HDAC8: variants seen among roughly 807,000 people sequenced by gnomAD.
HDAC8 encodes histone deacetylase 8.
A neutral mutation model predicts 32.2 loss-of-function variants in HDAC8; 1 was observed. That is an observed-to-expected ratio of 0.03 (90% CI 0.01 to 0.15). The LOEUF is 0.15. HDAC8 is among the 10% of genes least tolerant of loss of function. The probability of loss-of-function intolerance (pLI) is 1.00; values close to 1 mark genes in which losing one functional copy is unlikely to be tolerated. For synonymous variants in HDAC8, 108 were observed against 113.9 expected, an observed-to-expected ratio of 0.95 and a Z score of 0.33; for missense variants, 117 against 300.0, an observed-to-expected ratio of 0.39 and a Z score of 4.51.
chrX:72,544,505 G>A (rs1054698968), intron 4 of HDAC8, among the ~76,000 whole-genome samples: 4 of 111,600 alleles, frequency 3.6e-5, no homozygotes, highest in Non-Finnish European at 5.6e-5. Context: ...GTGGTATCAA[G>A]GGATTGCTGA....
intron 9 of HDAC8, among the ~76,000 whole-genome samples, chrX:72,443,267 T>C (rs1417151917): frequency 9.2e-6 from 1 of 109,046 alleles, no homozygotes; most frequent in East Asian, 2.9e-4. Context: ...TATTCCAAAA[T>C]TGACCACATA....
chrX:72,555,177 A>C (rs893910329), intron 4 of HDAC8, among the ~76,000 whole-genome samples: 15 of 111,921 alleles, frequency 1.3e-4, no homozygotes, highest in Non-Finnish European at 3.8e-5. Context: ...GCTCTTAGGG[A>C]GCCCCATTCC....
chrX:72,541,482 G>T (rs1486767701), intron 4 of HDAC8, among the ~76,000 whole-genome samples: 1 of 112,378 alleles, frequency 8.9e-6, no homozygotes, highest in Non-Finnish European at 1.9e-5. Flanking sequence ...GTGGAACAGG[G>T]AGCCAGTGCA....
chrX:72,351,690 C>A, intron 10 of HDAC8, 43 bp downstream of exon 10: 2 of 988,893 alleles, frequency 2.0e-6, no homozygotes, highest in Non-Finnish European at 2.9e-6. Context: ...CCACCACAAA[C>A]TGGGTGGAAC....
chrX:72,377,281 T>C (rs1374769299), intron 9 of HDAC8: 1 of 112,499 alleles, frequency 8.9e-6, no homozygotes, highest in African/African-American at 3.2e-5. Flanking sequence ...TTCCTTTCCA[T>C]CTAATTTAAT....
At chrX:72,500,396 C>T (rs1360502425) in intron 4 of HDAC8, among the ~76,000 whole-genome samples, 1 of 111,464 alleles carries the variant, frequency 9.0e-6, no homozygotes, top group Non-Finnish European at 1.9e-5. Flanking sequence ...AATTGCAAAC[C>T]GAATCCAGCA....
At chrX:72,401,112 T>C (rs1260453961) in intron 9 of HDAC8, among the ~76,000 whole-genome samples, 1 of 112,413 alleles carries the variant, frequency 8.9e-6, no homozygotes, top group Non-Finnish European at 1.9e-5. Flanking sequence ...AATTGCTGGG[T>C]CATAAGGTAA....
At chrX:72,537,659 A>G (rs1373678579) in intron 4 of HDAC8, among the ~76,000 whole-genome samples, 1 of 112,027 alleles carries the variant, frequency 8.9e-6, no homozygotes, top group Non-Finnish European at 1.9e-5. Context: ...CTCTTAAAGA[A>G]AATTTGTTAG....
intron 9 of HDAC8, among the ~76,000 whole-genome samples, chrX:72,437,983 C>T (rs781923806): frequency 3.6e-5 from 4 of 112,207 alleles, no homozygotes; most frequent in South Asian, 7.4e-4. Context: ...ACACAGTGCT[C>T]GAGCTCTGCT....
intron 2 of HDAC8, among the ~76,000 whole-genome samples, chrX:72,570,314 C>T (rs2051972440): frequency 8.9e-6 from 1 of 112,207 alleles, no homozygotes; most frequent in Admixed American, 9.4e-5. Context: ...CTGAAAACCT[C>T]CCTATTTAAC....
At position 72,383,703 on chromosome X, in the gene HDAC8, T is replaced by C. The variant is rs1270597971; in HGVS notation, c.1006-31865A>G. On this transcript the variant is annotated intron_variant, in intron 9 of 10. Coordinates refer to ENST00000373573, the MANE Select transcript of HDAC8 (RefSeq NM_018486.3). ...GGCTAACACAGTGAAACCCCGTCTC[T>C]ACTAAAAACACAAAAAATTAGCCGG... Among the ~76,000 whole-genome samples the C allele has an allele frequency of 1.8e-5, 2 of 109,428 alleles. 1 individual carries two copies. The highest frequency in any genetic ancestry group is 1.9e-4 in the Admixed American group (2 of 10,257).
intron 4 of HDAC8, among the ~76,000 whole-genome samples, chrX:72,547,991 C>T (rs782129824): frequency 4.5e-5 from 5 of 111,416 alleles, no homozygotes; most frequent in African/African-American, 6.5e-5. Flanking sequence ...CACCATTCCC[C>T]GTCCCCTAAT....
At chrX:72,388,368 G>C (rs1218380995) in intron 9 of HDAC8, among the ~76,000 whole-genome samples, 1 of 109,977 alleles carries the variant, frequency 9.1e-6, no homozygotes, top group Admixed American at 9.7e-5. Context: ...TCCTCCCTCA[G>C]TGTTCCCTTT....
intron 7 of HDAC8, chrX:72,467,871 G>A (rs1400738044): frequency 2.2e-6 from 2 of 909,342 alleles, no homozygotes; most frequent in Non-Finnish European, 3.0e-6. Context: ...CACAAGAAAA[G>A]CATATACATA....
chrX:72,356,584 T>A (rs2044371857), intron 9 of HDAC8, among the ~76,000 whole-genome samples: 2 of 110,768 alleles, frequency 1.8e-5, no homozygotes, highest in South Asian at 7.8e-4. Flanking sequence ...GCAAGCTTTT[T>A]TTTTTTTGGG....
At position 72,462,032 on chromosome X, in the gene HDAC8, G is replaced by A; in HGVS notation, c.977C>T (p.Thr326Ile). The A allele has an allele frequency of 8.3e-7, 1 of 1,208,705 alleles. No homozygotes were observed. Among genetic ancestry groups the A allele is most frequent in the Non-Finnish European group, 1.1e-6 (1 of 893,108 alleles). ...ATGATCTGGGATCTCAGAGGATAGT[G>A]TTTTCCCTAGGATGACCCCGGTCAA... ...TYLTGVILGK[T>I]LSSEIPDHEF... Residue 326 changes from threonine to isoleucine, a missense_variant, in exon 9 of 11, where the codon ACA (threonine) becomes ATA (isoleucine). Physicochemically the swap from Thr to Ile is moderately conservative, Grantham distance 89. Coordinates refer to ENST00000373573, the MANE Select transcript of HDAC8 (RefSeq NM_018486.3).
chrX:72,510,726 A>T (rs2049554690), intron 4 of HDAC8, among the ~76,000 whole-genome samples: 1 of 111,693 alleles, frequency 9.0e-6, no homozygotes, highest in Admixed American at 9.5e-5. Context: ...GTCATGATGA[A>T]CTAAATTCAC....
chrX:72,495,591 T>C (rs2048997067), intron 4 of HDAC8, among the ~76,000 whole-genome samples: 1 of 111,652 alleles, frequency 9.0e-6, no homozygotes, highest in Admixed American at 9.5e-5. Context: ...AAAATTTGTA[T>C]ACCCTGGGGT....
intron 9 of HDAC8, among the ~76,000 whole-genome samples, chrX:72,454,648 T>C (rs782010806): frequency 5.3e-5 from 6 of 112,571 alleles, no homozygotes; most frequent in African/African-American, 1.6e-4. Context: ...GGAAAAGGAA[T>C]TGAATATATT....
Sources: allele counts gnomAD v4.1 joint callset (sites outside exome capture counted in the v4.1 genomes callset), GRCh38; gene constraint gnomAD v4.1.1; transcripts MANE v1.5; gene names NCBI Gene and HGNC (gene_info 2026-07-23, HGNC 2026-07-21).